The following CCSER1 variants were observed in gnomAD, a reference collection of about 807,000 sequenced individuals.
CCSER1 encodes coiled-coil serine rich protein 1, also known as serine-rich coiled-coil domain-containing protein 1.
CCSER1 carries 41 observed loss-of-function variants against 82.0 expected under a neutral mutation model. That is an observed-to-expected ratio of 0.50 (90% confidence interval 0.39 to 0.65). The LOEUF is 0.65. Among genes scored for constraint, CCSER1 ranks in the 30% least tolerant of loss-of-function variants. The pLI is 0.00. For synonymous variants in CCSER1, 414 were observed against 383.9 expected (o/e 1.08, Z -0.92); for missense variants, 1,119 against 1,064.2 (o/e 1.05, Z -0.72).
intron 9 of CCSER1, among the ~76,000 whole-genome samples, chr4:91,067,168 A>G (rs1720910360): frequency 6.6e-6 from 1 of 151,894 alleles, no homozygotes; most frequent in Admixed American, 6.6e-5. Context: ...CGTCTCAAAA[A>G]GAAAAAAAAA....
chr4:91,323,018 A>G (rs868604145), intron 10 of CCSER1, among the ~76,000 whole-genome samples: 23 of 152,308 alleles, frequency 1.5e-4, no homozygotes, highest in Middle Eastern at 6.8e-3. Flanking sequence ...CTGAGAGAGG[A>G]AAGCCCAAAA....
chr4:90,304,916 GT>G (rs1460162796), intron 1 of CCSER1, among the ~76,000 whole-genome samples: 1 of 151,518 alleles, frequency 6.6e-6, no homozygotes, highest in Admixed American at 6.6e-5. Flanking sequence ...TGTTGTTGGT[GT>G]TTTTTATTTT....
At chr4:91,151,142 T>G (rs371958133) in intron 10 of CCSER1, among the ~76,000 whole-genome samples, 7 of 152,312 alleles carry the variant, frequency 4.6e-5, no homozygotes, top group African/African-American at 1.4e-4. Context: ...TGCCTCAATT[T>G]CAGAGTCTGT....
chr4:90,542,499 G>T (rs1301998780), intron 5 of CCSER1, among the ~76,000 whole-genome samples: 1 of 152,058 alleles, frequency 6.6e-6, no homozygotes, highest in Non-Finnish European at 1.5e-5. Flanking sequence ...CCGCAATCAA[G>T]TTGTTTTGAT....
intron 10 of CCSER1, among the ~76,000 whole-genome samples, chr4:91,425,454 A>C (rs1246548586): frequency 6.6e-6 from 1 of 152,130 alleles, no homozygotes; most frequent in Non-Finnish European, 1.5e-5. Flanking sequence ...AAGCATTGTA[A>C]TTGTAATTAT....
At chr4:90,129,346 G>A (rs1240789675) in intron 1 of CCSER1, among the ~76,000 whole-genome samples, 1 of 152,150 alleles carries the variant, frequency 6.6e-6, no homozygotes, top group East Asian at 1.9e-4. Flanking sequence ...TTCTCTTTCT[G>A]TTTGCTTTAT....
intron 10 of CCSER1, among the ~76,000 whole-genome samples, chr4:91,115,995 T>C (rs1269805036): frequency 6.6e-6 from 1 of 151,826 alleles, no homozygotes; most frequent in African/African-American, 2.4e-5. Context: ...CCTAATGCTA[T>C]CCCTCCCCCC....
intron 6 of CCSER1, among the ~76,000 whole-genome samples, chr4:90,706,871 A>G (rs1232140251): frequency 6.6e-6 from 1 of 152,230 alleles, no homozygotes; most frequent in African/African-American, 2.4e-5. Flanking sequence ...GGTTTGTGAA[A>G]GAATGAGTTT....
intron 3 of CCSER1, among the ~76,000 whole-genome samples, chr4:90,358,300 A>G (rs998942848): frequency 1.2e-4 from 18 of 152,092 alleles, no homozygotes; most frequent in Non-Finnish European, 7.4e-5. Flanking sequence ...CCATGTAGTC[A>G]AAGTGCTTCT....
chr4:90,192,259 C>G (rs1040025799), intron 1 of CCSER1, among the ~76,000 whole-genome samples: 3 of 151,950 alleles, frequency 2.0e-5, no homozygotes, highest in Non-Finnish European at 4.4e-5. Context: ...GTGAAACTCA[C>G]TCACTATCAT....
intron 3 of CCSER1, among the ~76,000 whole-genome samples, chr4:90,332,022 A>G (rs967836435): frequency 1.6e-4 from 25 of 152,204 alleles, no homozygotes; most frequent in African/African-American, 5.5e-4. Context: ...TTTCTTAAAA[A>G]TAAAAGCATT....
At chr4:90,686,672 C>G (rs900678820) in intron 6 of CCSER1, among the ~76,000 whole-genome samples, 13 of 151,940 alleles carry the variant, frequency 8.6e-5, no homozygotes, top group Non-Finnish European at 1.8e-4. Context: ...AAGAAGTAGC[C>G]AAAACACCAA....
chr4:90,909,019 C>G (rs1054604479), intron 8 of CCSER1, among the ~76,000 whole-genome samples: 1 of 152,078 alleles, frequency 6.6e-6, no homozygotes, highest in South Asian at 2.1e-4. Context: ...TGGGCAGAGC[C>G]ATATTTCCTC....
intron 10 of CCSER1, among the ~76,000 whole-genome samples, chr4:91,398,818 G>A (rs918872249): frequency 2.4e-4 from 36 of 151,724 alleles, no homozygotes; most frequent in African/African-American, 8.2e-4. Context: ...ACCATGTTTA[G>A]GTCCTTAAGG....
chr4:90,662,537 C>T (rs936065494), intron 6 of CCSER1, among the ~76,000 whole-genome samples: 1 of 152,020 alleles, frequency 6.6e-6, no homozygotes, highest in Non-Finnish European at 1.5e-5. Flanking sequence ...TTTTTAGTCT[C>T]ATATACTAAG....
intron 3 of CCSER1, among the ~76,000 whole-genome samples, chr4:90,367,641 G>GA (rs1036342285): frequency 1.3e-5 from 2 of 151,512 alleles, no homozygotes; most frequent in South Asian, 4.2e-4. Flanking sequence ...ATAAAATGAG[G>GA]AAAAAAATGA....
At chr4:90,931,599 A>G (rs1022250014) in intron 9 of CCSER1, among the ~76,000 whole-genome samples, 1 of 152,114 alleles carries the variant, frequency 6.6e-6, no homozygotes, top group Non-Finnish European at 1.5e-5. Context: ...ACACTAGCTC[A>G]TGGCTTTTCT....
intron 10 of CCSER1, among the ~76,000 whole-genome samples, chr4:91,141,889 CTA>C (rs1729066147): frequency 6.6e-6 from 1 of 152,016 alleles, no homozygotes; most frequent in Non-Finnish European, 1.5e-5. Context: ...GCATTTTTTC[CTA>C]TGTTTGTTAG....
chr4:90,932,598 C>T (rs573607707), intron 9 of CCSER1, among the ~76,000 whole-genome samples: 3 of 151,938 alleles, frequency 2.0e-5, no homozygotes, highest in South Asian at 2.1e-4. Context: ...GTGGCCCAGG[C>T]GGGCGAATCA....
Sources: allele counts gnomAD v4.1 joint callset (sites outside exome capture counted in the v4.1 genomes callset), GRCh38; gene constraint gnomAD v4.1.1; transcripts MANE v1.5; gene names NCBI Gene and HGNC (gene_info 2026-07-23, HGNC 2026-07-21).